Variants in OLFM2 observed in about 807,000 individuals in gnomAD.
OLFM2 encodes the protein olfactomedin 2.
OLFM2 carries 20 observed loss-of-function variants against 43.9 expected under a neutral mutation model. The observed-to-expected ratio is 0.46, with a 90% CI of 0.32 to 0.66. The LOEUF is 0.66. Ranked by LOEUF, OLFM2 falls within the 30% of genes least tolerant of loss-of-function variation. OLFM2 has a pLI of 0.04. For synonymous variants in OLFM2, 268 were observed against 278.6 expected, an observed-to-expected ratio of 0.96 and a Z score of 0.38; for missense variants, 416 against 643.6, an observed-to-expected ratio of 0.65 and a Z score of 3.83.
At chr19:9,924,822 A>G (rs916634396) in intron 1 of OLFM2, among the ~76,000 whole-genome samples, 6 of 152,096 alleles carry the variant, frequency 3.9e-5, no homozygotes, top group Admixed American at 1.3e-4. Flanking sequence ...AGCTTCATTC[A>G]GGCATCAGAT....
In OLFM2 at chr19:9,892,637, G is replaced by A. The variant is rs541431070; in HGVS notation, c.64-31843C>T. Among the ~76,000 whole-genome samples the A allele has an allele frequency of 6.6e-5, 10 of 152,242 alleles. 1 individual carries two copies. Among genetic ancestry groups the A allele is most frequent in the Admixed American group, 2.6e-4 (4 of 15,274 alleles). ...GAGGTGGGAGAATCACTTGAGCCCA[G>A]GAGGCAGATGACGCCACTGCACTCC... On this transcript the variant is annotated intron_variant, in intron 1 of 5. Transcript: ENST00000264833.
At chr19:9,872,712 A>G (rs2046452983) in intron 1 of OLFM2, among the ~76,000 whole-genome samples, 1 of 151,666 alleles carries the variant, frequency 6.6e-6, no homozygotes, top group East Asian at 1.9e-4. Flanking sequence ...CCATTCATCC[A>G]TCTATCCATT....
At chr19:9,858,375 G>C (rs1439480476) in intron 2 of OLFM2, among the ~76,000 whole-genome samples, 3 of 151,942 alleles carry the variant, frequency 2.0e-5, no homozygotes, top group African/African-American at 4.8e-5. Context: ...CATCCTTCAG[G>C]GTTCAGCTCC....
intron 1 of OLFM2, among the ~76,000 whole-genome samples, chr19:9,898,239 G>A (rs1418620455): frequency 1.3e-5 from 2 of 148,876 alleles, no homozygotes; most frequent in Admixed American, 6.7e-5. Context: ...AAAATTTTTT[G>A]TGCTGGGAGT....
chr19:9,912,737 C>T (rs1158605811), intron 1 of OLFM2, among the ~76,000 whole-genome samples: 2 of 151,962 alleles, frequency 1.3e-5, no homozygotes, highest in Non-Finnish European at 2.9e-5. Context: ...CCTGGAGCTT[C>T]TGGAGGCAGT....
At chr19:9,895,481 T>C (rs1173558478) in intron 1 of OLFM2, among the ~76,000 whole-genome samples, 1 of 148,478 alleles carries the variant, frequency 6.7e-6, no homozygotes, top group Non-Finnish European at 1.5e-5. Context: ...GGTGACAGAG[T>C]GAGACCCTGT....
In OLFM2 at chr19:9,882,566, T is replaced by G. The variant is rs73016200; in HGVS notation, c.64-21772A>C. On this transcript the variant is annotated intron_variant, in intron 1 of 5. Coordinates refer to ENST00000264833, the MANE Select transcript of OLFM2 (RefSeq NM_058164.4). ...AAAAAGAATTAAATACATGAATTTTTGGGGGGTGGAAACACACAATTCAGC... is the reference window on the plus strand; with the variant it reads ...AAAAAGAATTAAATACATGAATTTTGGGGGGGTGGAAACACACAATTCAGC... Among the ~76,000 whole-genome samples, 1,039 of 150,962 alleles carry G rather than the reference T, an allele frequency of 6.9e-3. 9 individuals carry two copies. Among genetic ancestry groups the G allele is most frequent in the Non-Finnish European group, 0.011 (777 of 67,744 alleles).
chr19:9,881,909 C>T (rs751248016), intron 1 of OLFM2, among the ~76,000 whole-genome samples: 3 of 152,162 alleles, frequency 2.0e-5, no homozygotes, highest in Non-Finnish European at 2.9e-5. Flanking sequence ...AATACAGTCA[C>T]ATTCATTGTG....
intron 1 of OLFM2, among the ~76,000 whole-genome samples, chr19:9,895,368 C>T (rs1218077745): frequency 2.0e-5 from 3 of 151,880 alleles, no homozygotes; most frequent in Admixed American, 6.6e-5. Flanking sequence ...TGGTGGCACA[C>T]GCCTGTAGTC....
At chr19:9,932,913 G>C (rs1203315554) in intron 1 of OLFM2, among the ~76,000 whole-genome samples, 1 of 152,078 alleles carries the variant, frequency 6.6e-6, no homozygotes, top group Non-Finnish European at 1.5e-5. Flanking sequence ...CCTCTGACAG[G>C]CCCTGCTTTC....
At chr19:9,885,400 A>G (rs1056233271) in intron 1 of OLFM2, among the ~76,000 whole-genome samples, 1 of 152,220 alleles carries the variant, frequency 6.6e-6, no homozygotes, top group African/African-American at 2.4e-5. Flanking sequence ...TGTGATTGGC[A>G]CAAATGCCTG....
chr19:9,903,402 C>T (rs1222226880), intron 1 of OLFM2, among the ~76,000 whole-genome samples: 3 of 152,208 alleles, frequency 2.0e-5, no homozygotes, highest in Non-Finnish European at 2.9e-5. Flanking sequence ...TATTCACTAA[C>T]ATGTTAATCA....
chr19:9,857,371 C>T lies in OLFM2; in HGVS notation c.472G>A (p.Gly158Ser). ...TCCTCCTGAATGGCCGCCAGACTGC[C>T]GGAGAGATTCCTCACCTCCTCCCGC... ...RLREEVRNLS[G>S]SLAAIQEEMG... Residue 158 changes from glycine to serine, a missense_variant, in exon 4 of 6, where the codon GGC becomes AGC. By Grantham distance (56) the Gly-to-Ser change is moderately conservative (BLOSUM62 0). Transcript: ENST00000264833. This position sits in a 1 kb window ranked among gnomAD's most constrained non-coding sequence, Gnocchi z 5.7. 1.2e-6 allele frequency: 2 copies of T among 1,614,182 alleles called. No individual in the cohort carries two copies. Among genetic ancestry groups the T allele is most frequent in the South Asian group, 1.1e-5 (1 of 91,084 alleles).
chr19:9,925,445 C>A (rs1028249366), intron 1 of OLFM2, among the ~76,000 whole-genome samples: 2 of 151,954 alleles, frequency 1.3e-5, no homozygotes, highest in African/African-American at 4.8e-5. Flanking sequence ...ACATAGTTAC[C>A]ATATGACCCA....
intron 1 of OLFM2, among the ~76,000 whole-genome samples, chr19:9,901,719 C>T (rs944212353): frequency 2.6e-5 from 4 of 152,146 alleles, no homozygotes; most frequent in African/African-American, 9.7e-5. Context: ...CATTGGAGTG[C>T]ACAGGGATTC....
intron 1 of OLFM2, among the ~76,000 whole-genome samples, chr19:9,907,472 TAAACAAAC>T (rs371748877): frequency 6.6e-6 from 1 of 151,226 alleles, no homozygotes; most frequent in Non-Finnish European, 1.5e-5. Context: ...AATAAATGAA[TAAACAAAC>T]AAACAAATAA....
chr19:9,906,276 C>T (rs1431990784), intron 1 of OLFM2, among the ~76,000 whole-genome samples: 1 of 151,944 alleles, frequency 6.6e-6, no homozygotes, highest in African/African-American at 2.4e-5. Context: ...TGGCTGGTTC[C>T]CTCCCAGGAG....
intron 1 of OLFM2, among the ~76,000 whole-genome samples, chr19:9,921,676 G>A (rs1034643349): frequency 3.7e-4 from 56 of 151,990 alleles, no homozygotes; most frequent in African/African-American, 1.3e-3. Flanking sequence ...TAGTAGAGAC[G>A]GGGTTTCACC....
chr19:9,879,026 T>C (rs1194870001), intron 1 of OLFM2, among the ~76,000 whole-genome samples: 1 of 152,042 alleles, frequency 6.6e-6, no homozygotes, highest in Non-Finnish European at 1.5e-5. Context: ...TCATGTCAAA[T>C]TGTAATCCCC....
Sources: allele counts gnomAD v4.1 joint callset (sites outside exome capture counted in the v4.1 genomes callset), GRCh38; gene constraint gnomAD v4.1.1; non-coding constraint Gnocchi (gnomAD v3.1); transcripts MANE v1.5; gene names NCBI Gene and HGNC (gene_info 2026-07-23, HGNC 2026-07-21).